TRNAU1AP: variants seen among roughly 807,000 people sequenced by gnomAD.
TRNAU1AP encodes tRNA selenocysteine 1 associated protein 1, also known as tRNA selenocysteine 1-associated protein 1.
In TRNAU1AP, 33 loss-of-function variants were observed where a neutral mutation model predicts 43.3. That is an observed-to-expected ratio of 0.76 (90% CI 0.58 to 1.02). TRNAU1AP has a LOEUF of 1.02. TRNAU1AP is among the 50% of genes least tolerant of loss of function. The pLI is 0.00. For missense variants in TRNAU1AP, 290 were observed against 362.7 expected (o/e 0.80, Z 1.63); for synonymous variants, 143 against 129.1 (o/e 1.11, Z -0.73).
intron 5 of TRNAU1AP, among the ~76,000 whole-genome samples, chr1:28,566,806 G>A (rs932966146): frequency 3.3e-5 from 5 of 151,900 alleles, no homozygotes; most frequent in African/African-American, 1.2e-4. Flanking sequence ...GCAGTGCTAG[G>A]GAAATAAATA....
Position 28,571,854 on chromosome 1 carries a change from G to C in TRNAU1AP, c.694-13G>C. ...CACCATGCCCCTAACCCACATCTCTGGTCTCTTGGCAGACATATGAAGAAG... is the reference window on the plus strand; with the variant it reads ...CACCATGCCCCTAACCCACATCTCTCGTCTCTTGGCAGACATATGAAGAAG... On this transcript the variant is annotated splice_polypyrimidine_tract_variant and intron_variant, in intron 7 of 8. Transcript: ENST00000373830. 6.2e-7 allele frequency: 1 copy of C among 1,612,716 alleles called. No individual in the cohort carries two copies. Among genetic ancestry groups the C allele is most frequent in the South Asian group, 1.1e-5 (1 of 91,044 alleles).
At position 28,553,125 on chromosome 1, in the gene TRNAU1AP, G is replaced by C; in HGVS notation, c.15G>C (p.Leu5=). ...GGTGCGCGGGTATGGCGGCCAGCCT[G>C]TGGATGGGCGACGTGAGTGAGGGCA... is the stretch of plus-strand genomic sequence containing the variant. MAAS[L]WMGDLEPYMD... The change falls in exon 1 of 9, where the codon CTG becomes CTC. Residue 5 remains leucine (L), a synonymous_variant. Transcript: ENST00000373830. 2 of 1,520,702 alleles carry C rather than the reference G, an allele frequency of 1.3e-6. No homozygotes were observed. The highest frequency in any genetic ancestry group is 1.8e-6 in the Non-Finnish European group (2 of 1,131,584). 94.2% of individuals were successfully genotyped at this position (1,520,702 alleles called of 1,614,324 possible).
At position 28,577,797 on chromosome 1, in the gene TRNAU1AP, A is replaced by AT. The variant is rs1665832561; in HGVS notation, c.*164dup. The AT allele has an allele frequency of 1.2e-6, 1 of 805,152 alleles. No individual in the cohort carries two copies. Among genetic ancestry groups the AT allele is most frequent in the East Asian group, 2.9e-5 (1 of 35,014 alleles). 49.9% of individuals were successfully genotyped at this position (805,152 alleles called of 1,614,324 possible). ...ACAACACTGCTGCATTCATTTGACC[A>AT]TTTGAGTTTGAAGACCAAGGGAACA... On this transcript the variant is annotated 3_prime_UTR_variant, in exon 9 of 9. Coordinates refer to ENST00000373830, the MANE Select transcript of TRNAU1AP (RefSeq NM_017846.5).
chr1:28,574,197 C>T (rs899336198), intron 8 of TRNAU1AP, among the ~76,000 whole-genome samples: 6 of 151,354 alleles, frequency 4.0e-5, no homozygotes, highest in Admixed American at 6.6e-5. Flanking sequence ...AAGTGATTCT[C>T]CTGCCTCAGC....
chr1:28,555,628 G>C (rs80193688), intron 2 of TRNAU1AP, among the ~76,000 whole-genome samples: 4,923 of 150,744 alleles, frequency 0.033, 294 homozygotes, highest in African/African-American at 0.11. Flanking sequence ...CTCTTTTCTC[G>C]GTACTCTACT....
At chr1:28,568,392 C>T (rs1388892307) in intron 6 of TRNAU1AP, among the ~76,000 whole-genome samples, 1 of 152,146 alleles carries the variant, frequency 6.6e-6, no homozygotes, top group Non-Finnish European at 1.5e-5. Context: ...CCTCCCATCT[C>T]AGCCTCCTGA....
At chr1:28,567,060 G>A (rs9426420) in intron 5 of TRNAU1AP, among the ~76,000 whole-genome samples, 9,182 of 152,292 alleles carry the variant, frequency 0.06, 388 homozygotes, top group Middle Eastern at 0.15. Flanking sequence ...TGAACTGAAT[G>A]TGGGAATTCC....
Position 28,557,464 on chromosome 1 carries a change from TG to T in TRNAU1AP, c.126-3168del, listed in dbSNP as rs764684775. 7.2e-4 allele frequency among the ~76,000 whole-genome samples: 104 copies of T among 145,020 alleles called. 1 individual carries two copies. Among genetic ancestry groups the T allele is most frequent in the Non-Finnish European group, 1.4e-3 (92 of 67,010 alleles). On this transcript the variant is annotated intron_variant, in intron 2 of 8. Transcript: ENST00000373830. The stretch of plus-strand genomic sequence containing the variant: ...AGATATGGAACTCTTGTTTCTTACA[TG>T]TTTCTTTTTTTTTTTTTTTTTTTTA...
intron 2 of TRNAU1AP, among the ~76,000 whole-genome samples, chr1:28,555,145 G>A (rs1390092667): frequency 6.6e-6 from 1 of 151,232 alleles, no homozygotes; most frequent in African/African-American, 2.4e-5. Flanking sequence ...CAGGAGAATC[G>A]CTTGAACTTG....
At chr1:28,573,257 C>T (rs1455076511) in intron 8 of TRNAU1AP, among the ~76,000 whole-genome samples, 1 of 110,572 alleles carries the variant, frequency 9.0e-6, no homozygotes, top group Non-Finnish European at 1.8e-5. Flanking sequence ...TAGTCTCAAA[C>T]TCGACCTCGT....
intron 2 of TRNAU1AP, among the ~76,000 whole-genome samples, chr1:28,554,205 AAAAAAAAC>A (rs1361286281): frequency 1.0e-4 from 15 of 145,780 alleles, no homozygotes; most frequent in African/African-American, 3.6e-4. Context: ...TCTCAAAAAA[AAAAAAAAC>A]AAAAAAACAA....
chr1:28,565,531 T>A (rs372393248), intron 5 of TRNAU1AP: 1 of 151,018 alleles, frequency 6.6e-6, no homozygotes, highest in African/African-American at 2.4e-5. Flanking sequence ...CTCACACCTG[T>A]AATCCCAGCA....
chr1:28,553,922 G>A (rs1013972570), intron 2 of TRNAU1AP, 185 bp downstream of exon 2: 2 of 576,372 alleles, frequency 3.5e-6, no homozygotes, highest in African/African-American at 1.9e-5. Context: ...GACTTGCCAG[G>A]CGTTGTGACT....
At chr1:28,567,434 A>G (rs1352390327) in intron 6 of TRNAU1AP, 21 bp downstream of exon 6, 2 of 1,583,874 alleles carry the variant, frequency 1.3e-6, no homozygotes, top group East Asian at 2.3e-5. Flanking sequence ...CAGGGAAGGT[A>G]GAGAGACTCT....
chr1:28,558,209 T>C (rs1356370469), intron 2 of TRNAU1AP, among the ~76,000 whole-genome samples: 1 of 146,350 alleles, frequency 6.8e-6, no homozygotes, highest in African/African-American at 2.6e-5. Context: ...CCCTGCTAAT[T>C]TTTGTATTTT....
intron 8 of TRNAU1AP, among the ~76,000 whole-genome samples, chr1:28,573,976 G>A (rs1665719581): frequency 6.6e-6 from 1 of 151,804 alleles, no homozygotes; most frequent in Non-Finnish European, 1.5e-5. Flanking sequence ...TAGGCACGGT[G>A]GCTAAAGCCT....
intron 3 of TRNAU1AP, 51 bp downstream of exon 3, chr1:28,560,783 A>G (rs1665388652): frequency 7.1e-6 from 10 of 1,418,366 alleles, no homozygotes; most frequent in Non-Finnish European, 9.9e-6. Context: ...GTCATTGCTT[A>G]CTACCATCTA....
rs376038613 is a variant in TRNAU1AP, at chr1:28,553,637, C to T, written c.28-3C>T. The T allele has an allele frequency of 6.2e-7, 1 of 1,613,650 alleles. No homozygotes were observed. Among genetic ancestry groups the T allele is most frequent in the African/African-American group, 1.3e-5 (1 of 74,930 alleles). ...GAGCCGCTGTGCTCTTGTTTTTACG[C>T]AGCTGGAACCCTACATGGATGAGAA... On this transcript the variant is annotated splice_polypyrimidine_tract_variant and splice_region_variant and intron_variant, in intron 1 of 8. Coordinates refer to ENST00000373830, the MANE Select transcript of TRNAU1AP (RefSeq NM_017846.5).
At chr1:28,553,272 C>G (rs1251057051) in intron 1 of TRNAU1AP, 135 bp downstream of exon 1, 1 of 1,073,772 alleles carries the variant, frequency 9.3e-7, no homozygotes, top group African/African-American at 1.6e-5. Flanking sequence ...TTTGGTGACA[C>G]AGAAGCGGGT....
Sources: gnomAD v4.1 joint callset for allele counts (sites outside exome capture counted in the v4.1 genomes callset) on GRCh38, gnomAD v4.1.1 for gene constraint, MANE v1.5 for transcripts, NCBI Gene and HGNC (gene_info 2026-07-23, HGNC 2026-07-21) for gene names.